The following DEFB134 variants were observed in gnomAD, a reference collection of about 807,000 sequenced individuals.
DEFB134 encodes defensin beta 134.
Under a neutral mutation model 7.4 loss-of-function variants are expected in DEFB134, and 7 were observed. The observed-to-expected ratio is 0.95, with a 90% CI of 0.54 to 1.79. The LOEUF (loss-of-function observed/expected upper bound fraction) is 1.79. Ranked by LOEUF, DEFB134 falls within the 40% of genes most tolerant of loss-of-function variation. The pLI is 0.00. For missense variants in DEFB134, 105 were observed against 74.8 expected, an observed-to-expected ratio of 1.40 and a Z score of -1.49; for synonymous variants, 33 against 25.0, an observed-to-expected ratio of 1.32 and a Z score of -0.96.
Position 11,994,272 on chromosome 8 carries a change from G to C in DEFB134, c.59-150C>G, listed in dbSNP as rs182657672. 85 of 957,712 alleles carry C rather than the reference G, an allele frequency of 8.9e-5. No individual in the cohort carries two copies. The Admixed American group carries it at 1.7e-3, about 19-fold the overall frequency. 59.3% of individuals were successfully genotyped at this position (957,712 alleles called of 1,614,324 possible). A position where few individuals can be genotyped will look rare whatever the true frequency, so the allele number is the denominator to read the frequency against. On this transcript the variant is annotated intron_variant, in intron 1 of 1. Coordinates refer to ENST00000526438, the Ensembl canonical transcript of DEFB134. ...CTGAAAAAATTAATTAGTGGTAGGG[G>C]CTGAATTGTGTCACCCCAAAATTCA... is the stretch of plus-strand genomic sequence containing the variant.
upstream of DEFB134, among the ~76,000 whole-genome samples, chr8:11,997,684 A>G (rs1168696403): frequency 6.6e-6 from 1 of 152,240 alleles, no homozygotes; most frequent in East Asian, 1.9e-4. Context: ...TCCTAAATAT[A>G]TATGCACCCA....
At chr8:11,996,205 G>A in exon 1 of DEFB134, 1 of 1,613,698 alleles carries the variant, frequency 6.2e-7, no homozygotes, top group Non-Finnish European at 8.5e-7. Flanking sequence ...TGCCAGCACT[G>A]GATCCCAAAG....
At chr8:11,996,375 A>G (rs1322110581), upstream of DEFB134, 3 of 1,045,024 alleles carry the variant, frequency 2.9e-6, no homozygotes, top group Non-Finnish European at 4.3e-6. Context: ...GCCTCGCTTC[A>G]GGTAGATATG....
chr8:11,996,343 A>G (rs567793078), upstream of DEFB134: 1 of 1,428,464 alleles, frequency 7.0e-7, no homozygotes, highest in African/African-American at 1.4e-5. Flanking sequence ...AGTCCTATAC[A>G]AACCTCTCAG....
At chr8:11,993,636 C>T (rs946368160) in exon 2 of DEFB134, 10 of 190,118 alleles carry the variant, frequency 5.3e-5, no homozygotes, top group Non-Finnish European at 9.6e-5. Flanking sequence ...AGGTAGGACA[C>T]GACTTAGGTG....
upstream of DEFB134, among the ~76,000 whole-genome samples, chr8:11,999,931 G>A (rs1206594294): frequency 3.3e-5 from 5 of 152,288 alleles, no homozygotes; most frequent in Non-Finnish European, 5.9e-5. Flanking sequence ...TATGCTCCAC[G>A]CTAGGACTAG....
In DEFB134 at chr8:11,995,958, C is replaced by CAAAAAAAAAAAAAAAAA. The variant is rs34837269; in HGVS notation, c.58+235_58+236insTTTTTTTTTTTTTTTTT. On this transcript the variant is annotated intron_variant, in intron 1 of 1. Transcript: ENST00000526438. ...GCTCATTGGTGCGGATCAGTTCAGC[C>CAAAAAAAAAAAAAAAAA]AAAAAAAAAAAGGAAACTAAGGCTC... 3.9e-3 allele frequency among the ~76,000 whole-genome samples: 540 copies of CAAAAAAAAAAAAAAAAA among 139,374 alleles called. 9 individuals are homozygous for CAAAAAAAAAAAAAAAAA. The highest frequency in any genetic ancestry group is 0.015 in the African/African-American group (513 of 35,364). The allele number at this position is 139,374 out of a possible 152,430, so 91.4% of individuals were successfully genotyped here.
chr8:11,996,522 G>A (rs1015415934), upstream of DEFB134, among the ~76,000 whole-genome samples: 1 of 152,176 alleles, frequency 6.6e-6, no homozygotes, highest in Non-Finnish European at 1.5e-5. Context: ...AAAAGTACAT[G>A]GAGGCCTGAG....
chr8:11,994,205 C>T (rs1443901070), intron 1 of DEFB134, 83 bp from the exon 3 acceptor site: 7 of 1,454,848 alleles, frequency 4.8e-6, no homozygotes, highest in Non-Finnish European at 6.5e-6. Context: ...TTTTATCCAA[C>T]CGGATACCAA....
rs1425796411 is a variant in DEFB134 at position 11,994,232 on chromosome 8, T to C, written c.59-110A>G. On this transcript the variant is annotated intron_variant, in intron 1 of 1. Transcript: ENST00000526438. ...GGATACCAAGGAGATTTGGTTATGA[T>C]AATTGATCCTGTAACTGAAAAAATT... 7 of 1,315,930 alleles carry C rather than the reference T, an allele frequency of 5.3e-6. 1 individual carries two copies. Among genetic ancestry groups the C allele is most frequent in the South Asian group, 1.5e-5 (1 of 68,622 alleles). The allele number at this position is 1,315,930 out of a possible 1,614,324, so 81.5% of individuals were successfully genotyped here. A position where few individuals can be genotyped will look rare whatever the true frequency, so the allele number is the denominator to read the frequency against.
chr8:12,000,223 G>A (rs912467512), upstream of DEFB134, among the ~76,000 whole-genome samples: 4 of 152,080 alleles, frequency 2.6e-5, no homozygotes, highest in African/African-American at 9.7e-5. Context: ...AAATTTTACA[G>A]CACCCATTCC....
chr8:11,997,698 T>A (rs980987282), upstream of DEFB134, among the ~76,000 whole-genome samples: 1 of 152,146 alleles, frequency 6.6e-6, no homozygotes, highest in East Asian at 1.9e-4. Context: ...GCACCCAATA[T>A]TGGAGCACTG....
At chr8:12,000,563 C>A (rs540146381), upstream of DEFB134, among the ~76,000 whole-genome samples, 2 of 152,092 alleles carry the variant, frequency 1.3e-5, no homozygotes, top group African/African-American at 4.8e-5. Context: ...ACATGCAGAC[C>A]TATGATAAAG....
upstream of DEFB134, among the ~76,000 whole-genome samples, chr8:11,997,935 A>C (rs550451599): frequency 6.6e-6 from 1 of 152,230 alleles, no homozygotes; most frequent in East Asian, 1.9e-4. Context: ...TCATCTGTAC[A>C]TGGCACATAC....
At chr8:11,999,670 A>G (rs1312489943), upstream of DEFB134, among the ~76,000 whole-genome samples, 6 of 152,218 alleles carry the variant, frequency 3.9e-5, no homozygotes, top group Non-Finnish European at 8.8e-5. Flanking sequence ...CTAAAAGGTA[A>G]AGAAGAATTT....
At chr8:11,993,198 C>G (rs1002245807) in exon 2 of DEFB134, 2 of 152,198 alleles carry the variant, frequency 1.3e-5, no homozygotes, top group African/African-American at 2.4e-5. Flanking sequence ...TTATTAGTTA[C>G]ACATATAGCA....
chr8:11,996,071 G>C, intron 1 of DEFB134, 123 bp downstream of exon 2: 2 of 1,186,496 alleles, frequency 1.7e-6, no homozygotes, highest in South Asian at 1.4e-5. Flanking sequence ...ATCAAAACTA[G>C]TTGATGCTTT....
intron 1 of DEFB134, among the ~76,000 whole-genome samples, chr8:11,995,446 C>T (rs1800093394): frequency 1.3e-5 from 2 of 152,194 alleles, no homozygotes; most frequent in African/African-American, 4.8e-5. Context: ...TTCAGTAACA[C>T]TGAGTGAAAA....
chr8:11,996,233 C>G (rs1004901700), exon 1 of DEFB134: 1 of 1,613,572 alleles, frequency 6.2e-7, no homozygotes, highest in African/African-American at 1.3e-5. Context: ...AAGACAAACA[C>G]AACAAGGAGA....
Sources: allele counts gnomAD v4.1 joint callset (sites outside exome capture counted in the v4.1 genomes callset), GRCh38; gene constraint gnomAD v4.1.1; transcripts MANE v1.5; gene names NCBI Gene and HGNC (gene_info 2026-07-23, HGNC 2026-07-21).